OSBP2: variants seen among roughly 807,000 people sequenced by gnomAD.
OSBP2 encodes oxysterol-binding protein 2.
Under a neutral mutation model 96.0 loss-of-function variants are expected in OSBP2, and 66 were observed. The observed-to-expected ratio is 0.69, with a 90% CI of 0.56 to 0.84. OSBP2 has a LOEUF of 0.84. Among genes scored for constraint, OSBP2 ranks in the 40% least tolerant of loss-of-function variants. The pLI is 0.00. For synonymous variants in OSBP2, 525 were observed against 520.9 expected (o/e 1.01, Z -0.11); for missense variants, 1,038 against 1,222.7 (o/e 0.85, Z 2.25).
chr22:30,759,498 A>G (rs1239151561), intron 2 of OSBP2, among the ~76,000 whole-genome samples: 1 of 152,214 alleles, frequency 6.6e-6, no homozygotes, highest in Non-Finnish European at 1.5e-5. Flanking sequence ...GAAATAAACA[A>G]TTAATAGCAC....
chr22:30,732,693 C>T (rs115209652), intron 1 of OSBP2, among the ~76,000 whole-genome samples: 2,194 of 152,348 alleles, frequency 0.014, 46 homozygotes, highest in African/African-American at 0.049. Flanking sequence ...AGGGCCACTC[C>T]TGGACCTGTC....
intron 2 of OSBP2, among the ~76,000 whole-genome samples, chr22:30,856,396 T>G (rs1320948129): frequency 1.4e-5 from 2 of 146,098 alleles, no homozygotes; most frequent in African/African-American, 5.1e-5. Context: ...TTTTTTTTTT[T>G]TTTTTTTGGA....
intron 1 of OSBP2, among the ~76,000 whole-genome samples, chr22:30,703,542 C>T (rs1432284504): frequency 6.6e-6 from 1 of 151,668 alleles, no homozygotes; most frequent in African/African-American, 2.4e-5. Flanking sequence ...GTGGCACGAT[C>T]CTGGCTCACC....
intron 3 of OSBP2, chr22:30,872,556 T>A: frequency 2.8e-6 from 1 of 361,286 alleles, no homozygotes; most frequent in Non-Finnish European, 5.5e-6. Flanking sequence ...ACGATTCCTT[T>A]CTGCAGCTCC....
At chr22:30,796,393 A>G (rs1602275694) in intron 2 of OSBP2, among the ~76,000 whole-genome samples, 1 of 152,140 alleles carries the variant, frequency 6.6e-6, no homozygotes, top group South Asian at 2.1e-4. Flanking sequence ...TTTACAAGGG[A>G]AATAATTTTG....
Position 30,906,203 on chromosome 22 carries a change from A to C in OSBP2, c.2615A>C (p.Glu872Ala), listed in dbSNP as rs772716275. 1.2e-6 allele frequency: 2 copies of C among 1,614,014 alleles called. No homozygotes were observed. Among genetic ancestry groups the C allele is most frequent in the South Asian group, 2.2e-5 (2 of 91,078 alleles). ...CACTGTGCCTGCCCAGCAGAGAAGG[A>C]GGCGGATGCCTACACGCCACTGTGG... is the stretch of plus-strand genomic sequence containing the variant. ...GSSCSSEEEKEADAYTPLWFE... is the reference protein window; with the variant it reads ...GSSCSSEEEKAADAYTPLWFE... Residue 872 changes from glutamate to alanine, a missense_variant, in exon 14 of 14, where the codon GAG becomes GCG. Around this residue, in one of 3 missense-constraint regions of OSBP2, gnomAD observed 737 missense variants for 913.3 expected, o/e 0.81. Transcript: ENST00000332585.
intron 2 of OSBP2, among the ~76,000 whole-genome samples, chr22:30,862,281 G>C (rs1303556902): frequency 6.6e-6 from 1 of 152,202 alleles, no homozygotes; most frequent in Admixed American, 6.5e-5. Context: ...AGCAGGGCAG[G>C]CTGGGCAGGG....
intron 1 of OSBP2, among the ~76,000 whole-genome samples, chr22:30,713,925 G>A (rs1488508206): frequency 1.3e-5 from 2 of 152,074 alleles, no homozygotes; most frequent in African/African-American, 2.4e-5. Context: ...CCAAACTCCT[G>A]TCTTCCGGTT....
At chr22:30,756,582 AC>A (rs1444288692) in intron 2 of OSBP2, among the ~76,000 whole-genome samples, 4 of 152,266 alleles carry the variant, frequency 2.6e-5, no homozygotes, top group Admixed American at 2.6e-4. Context: ...AGTCACAGCT[AC>A]TCAGGAGGCT....
intron 1 of OSBP2, among the ~76,000 whole-genome samples, chr22:30,740,349 A>G (rs1377967117): frequency 2.0e-5 from 3 of 152,198 alleles, no homozygotes; most frequent in African/African-American, 7.2e-5. Flanking sequence ...CAGGGTTTGC[A>G]AAATATCTCA....
intron 2 of OSBP2, among the ~76,000 whole-genome samples, chr22:30,828,467 C>A (rs1030466969): frequency 6.6e-6 from 1 of 152,210 alleles, no homozygotes; most frequent in Admixed American, 6.5e-5. Context: ...ATGGCCCTGG[C>A]TGCCCACACT....
Position 30,893,812 on chromosome 22 carries a change from C to T in OSBP2, c.2191-5C>T. On this transcript the variant is annotated splice_polypyrimidine_tract_variant and splice_region_variant and intron_variant, in intron 11 of 13. Coordinates refer to ENST00000332585, the MANE Select transcript of OSBP2 (RefSeq NM_030758.4). ...CACCTACGCTGGTCCTGCCAATGTC[C>T]ACAGGTGACAGGAGTGGTGAGTGAC... The T allele has an allele frequency of 6.3e-7, 1 of 1,598,306 alleles. No individual in the cohort carries two copies. The highest frequency in any genetic ancestry group is 1.1e-5 in the South Asian group (1 of 89,476).
intron 2 of OSBP2, among the ~76,000 whole-genome samples, chr22:30,851,280 G>C (rs1433497059): frequency 6.6e-6 from 1 of 152,010 alleles, no homozygotes; most frequent in Admixed American, 6.6e-5. Flanking sequence ...ATGTTGGCCA[G>C]GCTTGTCTCA....
chr22:30,728,030 G>A (rs558899523), intron 1 of OSBP2, among the ~76,000 whole-genome samples: 40 of 149,682 alleles, frequency 2.7e-4, no homozygotes, highest in Non-Finnish European at 1.2e-4. Flanking sequence ...GCTTGAACCC[G>A]GGAGGTGAGG....
chr22:30,817,412 G>A (rs1055683446), intron 2 of OSBP2, among the ~76,000 whole-genome samples: 5 of 152,348 alleles, frequency 3.3e-5, no homozygotes, highest in African/African-American at 7.2e-5. Context: ...GACCCACAGC[G>A]GTTGAGGGCT....
intron 2 of OSBP2, among the ~76,000 whole-genome samples, chr22:30,858,963 T>C (rs892443511): frequency 6.6e-6 from 1 of 151,548 alleles, no homozygotes; most frequent in African/African-American, 2.4e-5. Flanking sequence ...ATTCAATAGG[T>C]TCCTATTTAG....
chr22:30,724,679 G>A (rs763827855), intron 1 of OSBP2, among the ~76,000 whole-genome samples: 22 of 152,194 alleles, frequency 1.4e-4, no homozygotes, highest in African/African-American at 5.3e-4. Flanking sequence ...ATAAACACCC[G>A]TTTGCAGGGT....
chr22:30,843,449 CCT>C (rs1491542965), intron 2 of OSBP2, among the ~76,000 whole-genome samples: 8,687 of 127,038 alleles, frequency 0.068, 300 homozygotes, highest in African/African-American at 0.084. Flanking sequence ...ATCTTTCCCC[CCT>C]CCCCCTTGAG....
intron 2 of OSBP2, among the ~76,000 whole-genome samples, chr22:30,828,283 TG>T (rs1372030845): frequency 6.6e-6 from 1 of 152,208 alleles, no homozygotes; most frequent in Non-Finnish European, 1.5e-5. Context: ...CAACAGTGTC[TG>T]TCAGTCACTC....
Sources: allele counts gnomAD v4.1 joint callset (sites outside exome capture counted in the v4.1 genomes callset), GRCh38; gene constraint gnomAD v4.1.1; regional missense constraint gnomAD v4.1.1; transcripts MANE v1.5; gene names NCBI Gene and HGNC (gene_info 2026-07-23, HGNC 2026-07-21).